SLC19A1: variants seen among roughly 807,000 people sequenced by gnomAD.
SLC19A1 encodes reduced folate transporter.
Under a neutral mutation model 35.3 loss-of-function variants are expected in SLC19A1, and 37 were observed. That is an observed-to-expected ratio of 1.05 (90% confidence interval 0.81 to 1.38). SLC19A1 has a LOEUF of 1.38. Ranked by LOEUF, SLC19A1 falls within the 40% of genes most tolerant of loss-of-function variation. The pLI is 0.00. For missense variants in SLC19A1, 831 were observed against 826.9 expected, an observed-to-expected ratio of 1.00 and a Z score of -0.06; for synonymous variants, 460 against 398.5, an observed-to-expected ratio of 1.15 and a Z score of -1.84.
At chr21:45,510,231 C>G (rs748425476), downstream of SLC19A1, 7 of 1,606,414 alleles carry the variant, frequency 4.4e-6, no homozygotes, top group Non-Finnish European at 5.9e-6. Flanking sequence ...GCCGTGCCGA[C>G]CGCGCAGCCG....
At chr21:45,509,155 G>A (rs946895652), downstream of SLC19A1, among the ~76,000 whole-genome samples, 6 of 152,046 alleles carry the variant, frequency 3.9e-5, no homozygotes, top group African/African-American at 1.2e-4. Flanking sequence ...GAGGTGACCC[G>A]CGATCCGGCG....
chr21:45,504,453 G>A (rs1378433209), intron 3 of SLC19A1: 3 of 1,611,408 alleles, frequency 1.9e-6, no homozygotes, highest in Non-Finnish European at 2.5e-6. Flanking sequence ...GGACAGAAAG[G>A]CGAAAGGGGG....
rs777793657 is a variant in SLC19A1, at chr21:45,504,474, G to A, written c.498-5862C>T. ...AAAGGCGAAAGGGGGGAGCCCGGGG[G>A]CGGCGGTTTCTTCGGCTCCAGCCTG... On this transcript the variant is annotated intron_variant, in intron 3 of 4. Coordinates refer to the SLC19A1 transcript ENST00000417954. 6.2e-7 allele frequency: 1 copy of A among 1,607,744 alleles called. No individual in the cohort carries two copies. Among genetic ancestry groups the A allele is most frequent in the Non-Finnish European group, 8.5e-7 (1 of 1,177,910 alleles).
chr21:45,504,674 A>C, intron 3 of SLC19A1: 13 of 868,570 alleles, frequency 1.5e-5, no homozygotes, highest in East Asian at 2.7e-5. Context: ...CTGCAAGCTC[A>C]GCAGCCCCGA....
At position 45,515,988 on chromosome 21, in the gene SLC19A1, C is replaced by T. The variant is rs1338202032; in HGVS notation, c.1446G>A (p.Gln482=). 2 of 1,563,404 alleles carry T rather than the reference C, an allele frequency of 1.3e-6. No homozygotes were observed. The highest frequency in any genetic ancestry group is 8.7e-7 in the Non-Finnish European group (1 of 1,154,954). The change falls in exon 6 of 6, where the codon CAG becomes CAA. Residue 482 remains glutamine (Q), a synonymous_variant. Coordinates refer to ENST00000311124, the MANE Select transcript of SLC19A1 (RefSeq NM_194255.4). Reference sequence around the variant, plus strand: ...GGCCCTTGTCCTGCACGCTCAGTGCCTGTGCTGCCTTCTCCTCCGCGGCAC... The same window carrying T: ...GGCCCTTGTCCTGCACGCTCAGTGCTTGTGCTGCCTTCTCCTCCGCGGCAC... ...LRSAAEEKAA[Q]ALSVQDKGLG... is the part of the protein sequence containing the mutation.
chr21:45,505,937 C>A (rs528696974), intron 3 of SLC19A1: 2 of 1,613,112 alleles, frequency 1.2e-6, no homozygotes, highest in African/African-American at 1.3e-5. Context: ...GCTCTACGTC[C>A]GCGTGCAGAA....
rs920472396 is a variant in SLC19A1, at chr21:45,517,017, C to T, written c.1294-877G>A. ...CCTGGGAAGACTCTGAAAGCAGGAG[C>T]GAGGAGGACAGACTGACCAGGCCCT... On this transcript the variant is annotated intron_variant, in intron 5 of 5. Transcript: ENST00000311124. The surrounding 1 kb of genome is among the most constrained non-coding windows in gnomAD (Gnocchi z 4.4). Among the ~76,000 whole-genome samples the T allele has an allele frequency of 1.1e-4, 16 of 152,164 alleles. No homozygotes were observed. The highest frequency in any genetic ancestry group is 3.1e-4 in the African/African-American group (13 of 41,420).
rs1399606516 is a variant in SLC19A1 at position 45,531,480 on chromosome 21, G to C, written c.858C>G (p.Tyr286Ter). The change falls in exon 3 of 6, where the codon TAC becomes TAG. Residue 286 changes from tyrosine to a stop codon, truncating the protein, a stop_gained. Coordinates refer to ENST00000311124, the MANE Select transcript of SLC19A1 (RefSeq NM_194255.4). LOFTEE classifies it high-confidence loss of function. The stretch of plus-strand genomic sequence containing the variant: ...CCTCGTTCCACAGGATGTGCACGTA[G>C]TAGACCACCAGGTAGTAGCCGGCCG... ...FNSAGYYLVV[Y>*]YVHILWNEVD... The C allele has an allele frequency of 6.2e-7, 1 of 1,612,776 alleles. No individual in the cohort carries two copies. The highest frequency in any genetic ancestry group is 1.7e-5 in the Admixed American group (1 of 59,990).
chr21:45,555,623 C>T (rs1371812000), intron 1 of SLC19A1, among the ~76,000 whole-genome samples: 1 of 148,296 alleles, frequency 6.7e-6, no homozygotes, highest in East Asian at 2.0e-4. Flanking sequence ...CCGTCCCGGG[C>T]ACTTGGGACT....
intron 4 of SLC19A1, among the ~76,000 whole-genome samples, chr21:45,527,751 A>C (rs868836784): frequency 5.1e-4 from 33 of 64,810 alleles, no homozygotes; most frequent in South Asian, 1.8e-3. Flanking sequence ...GAGTGGCAGC[A>C]GGGCAGGGTG....
intron 5 of SLC19A1, among the ~76,000 whole-genome samples, chr21:45,524,966 C>G (rs548642140): frequency 6.6e-6 from 1 of 152,222 alleles, no homozygotes; most frequent in Admixed American, 6.5e-5. Flanking sequence ...GGCCTGCCAG[C>G]GTGGACAGGC....
downstream of SLC19A1, among the ~76,000 whole-genome samples, chr21:45,511,736 G>A (rs922128102): frequency 5.9e-5 from 9 of 152,292 alleles, no homozygotes; most frequent in East Asian, 1.9e-4. Flanking sequence ...GCCACACAGC[G>A]TGTCCCCAGC....
downstream of SLC19A1, chr21:45,510,228 C>T (rs367565307): frequency 2.9e-5 from 47 of 1,606,320 alleles, no homozygotes; most frequent in Middle Eastern, 1.6e-4. Flanking sequence ...TGCGCCGTGC[C>T]GACCGCGCAG....
chr21:45,509,981 T>C, downstream of SLC19A1: 2 of 1,458,140 alleles, frequency 1.4e-6, no homozygotes, highest in Admixed American at 2.1e-5. Flanking sequence ...TCCACACAGG[T>C]GCGGGGCCGG....
At chr21:45,560,001 C>T (rs1450088890) in intron 1 of SLC19A1, among the ~76,000 whole-genome samples, 4 of 152,162 alleles carry the variant, frequency 2.6e-5, no homozygotes, top group East Asian at 1.9e-4. Context: ...GGGGCCAAAA[C>T]GTCGGAAATG....
At chr21:45,508,929 C>A (rs948466376), downstream of SLC19A1, among the ~76,000 whole-genome samples, 1 of 152,070 alleles carries the variant, frequency 6.6e-6, no homozygotes, top group Non-Finnish European at 1.5e-5. Flanking sequence ...TAGGGGCATC[C>A]GGACTGGGGT....
Position 45,514,738 on chromosome 21 carries a change from T to C in SLC19A1, c.*920A>G, listed in dbSNP as rs999000776. The C allele has an allele frequency of 5.5e-5, 25 of 452,252 alleles. No individual in the cohort carries two copies. The Admixed American group carries it at 8.4e-4, about 15-fold the overall frequency. The allele number at this position is 452,252 out of a possible 1,614,324, so 28.0% of individuals were successfully genotyped here. A position where few individuals can be genotyped will look rare whatever the true frequency, so the allele number is the denominator to read the frequency against. ...CACTCACTTAAGTGTGTTTAATGTA[T>C]GTGGGAAGAGTATTCACATCACATC... On this transcript the variant is annotated 3_prime_UTR_variant, in exon 6 of 6. Transcript: ENST00000311124.
intron 3 of SLC19A1, chr21:45,505,371 CGGCCCTCCG>C (rs2037133773): frequency 1.3e-5 from 20 of 1,593,374 alleles, no homozygotes; most frequent in Non-Finnish European, 1.7e-5. Context: ...TCAGCGTTCC[CGGCCCTCCG>C]GGCCCCCCTG....
chr21:45,505,175 T>C (rs1283204039), intron 3 of SLC19A1: 1 of 1,607,010 alleles, frequency 6.2e-7, no homozygotes. Context: ...CCGGCCCACC[T>C]GGACCTCAGG....
Sources: allele counts gnomAD v4.1 joint callset (sites outside exome capture counted in the v4.1 genomes callset), GRCh38; gene constraint gnomAD v4.1.1; non-coding constraint Gnocchi (gnomAD v3.1); transcripts MANE v1.5; gene names NCBI Gene and HGNC (gene_info 2026-07-23, HGNC 2026-07-21).